PARP11: variants seen among roughly 807,000 people sequenced by gnomAD.
The protein encoded by PARP11 is protein mono-ADP-ribosyltransferase PARP11.
In PARP11, 31 loss-of-function variants were observed where a neutral mutation model predicts 42.9. The ratio of observed to expected loss-of-function variants is 0.72; its 90% CI spans 0.54 to 0.98. The LOEUF is 0.98. Among genes scored for constraint, PARP11 ranks in the 50% least tolerant of loss-of-function variants. The pLI is 0.00. For missense variants in PARP11, 365 were observed against 413.1 expected (o/e 0.88, Z 1.01); for synonymous variants, 137 against 127.3 (o/e 1.08, Z -0.51).
intron 1 of PARP11, among the ~76,000 whole-genome samples, chr12:3,854,515 C>T (rs550101009): frequency 7.9e-4 from 120 of 152,260 alleles, no homozygotes; most frequent in African/African-American, 2.8e-3. Flanking sequence ...CACCTCTACG[C>T]AAATAAACTA....
chr12:3,839,077 A>C (rs1347754509), intron 1 of PARP11, among the ~76,000 whole-genome samples: 5 of 151,950 alleles, frequency 3.3e-5, no homozygotes, highest in Non-Finnish European at 7.4e-5. Flanking sequence ...CGCTCCGAGG[A>C]GGCGGCCGCG....
At chr12:3,851,715 G>T (rs1371633009) in intron 1 of PARP11, among the ~76,000 whole-genome samples, 1 of 152,242 alleles carries the variant, frequency 6.6e-6, no homozygotes, top group Non-Finnish European at 1.5e-5. Context: ...AGAAACTTCT[G>T]CAGACTTAAA....
At chr12:3,824,496 G>A (rs1015567667) in intron 4 of PARP11, 1 of 233,316 alleles carries the variant, frequency 4.3e-6, no homozygotes, top group African/African-American at 2.3e-5. Context: ...TACCTTGCAT[G>A]TGATAAATGC....
intron 1 of PARP11, chr12:3,864,100 A>T (rs1948349404): frequency 3.9e-5 from 6 of 152,216 alleles, no homozygotes; most frequent in Admixed American, 2.6e-4. Context: ...CATCAGGTTG[A>T]GCAAGTTCCT....
intron 7 of PARP11, among the ~76,000 whole-genome samples, chr12:3,813,700 T>G (rs546286793): frequency 3.9e-5 from 6 of 152,354 alleles, no homozygotes; most frequent in African/African-American, 1.4e-4. Flanking sequence ...GAAAATTAAA[T>G]GTACATCCCA....
chr12:3,863,338 A>G (rs1021039264), intron 1 of PARP11, among the ~76,000 whole-genome samples: 1 of 152,236 alleles, frequency 6.6e-6, no homozygotes, highest in African/African-American at 2.4e-5. Context: ...TCTAAGATTT[A>G]GATGCCTCTT....
At chr12:3,853,436 G>A (rs11062869) in intron 1 of PARP11, among the ~76,000 whole-genome samples, 20,839 of 152,080 alleles carry the variant, frequency 0.14, 2,046 homozygotes, top group East Asian at 0.43. Context: ...AGGGATGGAG[G>A]AAGATCTACC....
chr12:3,823,512 G>GT (rs35805726), intron 4 of PARP11, among the ~76,000 whole-genome samples: 18,026 of 152,222 alleles, frequency 0.12, 1,334 homozygotes, highest in Admixed American at 0.23. Context: ...TACACACTCA[G>GT]TAAGTACTGG....
At chr12:3,857,352 C>G (rs900213204) in intron 1 of PARP11, among the ~76,000 whole-genome samples, 1 of 152,084 alleles carries the variant, frequency 6.6e-6, no homozygotes, top group African/African-American at 2.4e-5. Flanking sequence ...CATGAAGCAA[C>G]AGAGAAATTC....
chr12:3,821,729 T>C (rs1021316554), intron 6 of PARP11, 144 bp downstream of exon 6: 2 of 800,128 alleles, frequency 2.5e-6, no homozygotes, highest in Non-Finnish European at 3.9e-6. Context: ...CTGAGAATGC[T>C]GAAGAGCCTT....
intron 1 of PARP11, 40 bp from the exon 2 acceptor site, chr12:3,830,058 T>C: frequency 1.3e-6 from 2 of 1,589,326 alleles, no homozygotes; most frequent in Non-Finnish European, 8.6e-7. Context: ...AATAATTCTA[T>C]TAATAACAAG....
chr12:3,846,061 T>C (rs189198938), intron 1 of PARP11, among the ~76,000 whole-genome samples: 8 of 152,228 alleles, frequency 5.3e-5, no homozygotes, highest in African/African-American at 1.9e-4. Flanking sequence ...AAAAAGTATA[T>C]ATACGTATCT....
At chr12:3,822,711 A>C (rs1406542660) in intron 4 of PARP11, among the ~76,000 whole-genome samples, 3 of 152,084 alleles carry the variant, frequency 2.0e-5, no homozygotes, top group African/African-American at 7.2e-5. Flanking sequence ...AATTTCAAAA[A>C]CAGTTGCTTA....
At chr12:3,820,582 G>A (rs1266485424) in intron 6 of PARP11, among the ~76,000 whole-genome samples, 1 of 152,106 alleles carries the variant, frequency 6.6e-6, no homozygotes, top group East Asian at 1.9e-4. Flanking sequence ...GATTTAACTG[G>A]GGACTCAAGT....
rs545540143 is a variant in PARP11 at position 3,840,031 on chromosome 12, G to C, written c.19-10013C>G. On this transcript the variant is annotated intron_variant, in intron 1 of 7. Coordinates refer to ENST00000228820, the MANE Select transcript of PARP11 (RefSeq NM_020367.6). The surrounding 1 kb of genome is among the most constrained non-coding windows in gnomAD (Gnocchi z 4.4). ...TGGGAACTCTACTAGCCTGCCTTTGGCTAGAAAGGTTCTTAAGTCACTCAA... is the reference window on the plus strand; with the variant it reads ...TGGGAACTCTACTAGCCTGCCTTTGCCTAGAAAGGTTCTTAAGTCACTCAA... The C allele has an allele frequency of 1.3e-5, 21 of 1,608,248 alleles. No individual in the cohort carries two copies. The East Asian group carries it at 3.8e-4, about 29-fold the overall frequency.
chr12:3,856,593 A>C (rs1948194841), intron 1 of PARP11, among the ~76,000 whole-genome samples: 1 of 152,226 alleles, frequency 6.6e-6, no homozygotes, highest in Non-Finnish European at 1.5e-5. Flanking sequence ...ACCAGTTAGA[A>C]TGGCAATCAT....
At chr12:3,868,256 CT>C (rs1948423606) in intron 1 of PARP11, among the ~76,000 whole-genome samples, 1 of 152,062 alleles carries the variant, frequency 6.6e-6, no homozygotes, top group Admixed American at 6.6e-5. Context: ...AGTCCAGGAG[CT>C]TAAGACCAGC....
At chr12:3,843,462 AT>A (rs1429065259) in intron 1 of PARP11, among the ~76,000 whole-genome samples, 1 of 152,064 alleles carries the variant, frequency 6.6e-6, no homozygotes, top group African/African-American at 2.4e-5. Context: ...CTGTGTGTGT[AT>A]TTTTTTTCCC....
At chr12:3,823,396 C>T (rs752960007) in intron 4 of PARP11, among the ~76,000 whole-genome samples, 4 of 152,092 alleles carry the variant, frequency 2.6e-5, no homozygotes, top group Admixed American at 2.6e-4. Flanking sequence ...ACATTTATTG[C>T]ACCTGTTTTT....
Sources: gnomAD v4.1 joint callset for allele counts (sites outside exome capture counted in the v4.1 genomes callset) on GRCh38, gnomAD v4.1.1 for gene constraint, Gnocchi (gnomAD v3.1) non-coding constraint, MANE v1.5 for transcripts, NCBI Gene and HGNC (gene_info 2026-07-23, HGNC 2026-07-21) for gene names.